Variants in RNF217 observed in about 807,000 individuals in gnomAD.
The protein encoded by RNF217 is ring finger protein 217, also known as E3 ubiquitin-protein ligase RNF217.
A neutral mutation model predicts 57.8 loss-of-function variants in RNF217; 31 were observed. The ratio of observed to expected loss-of-function variants is 0.54; its 90% CI spans 0.40 to 0.72. The LOEUF (loss-of-function observed/expected upper bound fraction) is 0.72, where lower values mean the gene tolerates loss of function less well. RNF217 is among the 30% of genes least tolerant of loss of function. The probability of loss-of-function intolerance (pLI) is 0.00; values close to 1 mark genes in which losing one functional copy is unlikely to be tolerated. For synonymous variants in RNF217, 313 were observed against 294.0 expected, an observed-to-expected ratio of 1.06 and a Z score of -0.66; for missense variants, 696 against 708.3, an observed-to-expected ratio of 0.98 and a Z score of 0.20.
rs1324137403 is a variant in RNF217, at chr6:125,025,543, AAAGG to A, written c.883-19648_883-19645del. The stretch of plus-strand genomic sequence containing the variant: ...GAGGGAGGGAGGAAGGGATATTTCC[AAAGG>A]AAGGAAGGAAGGAAGGAAGAAAAGA... On this transcript the variant is annotated intron_variant, in intron 1 of 5. Coordinates refer to ENST00000521654, the MANE Select transcript of RNF217 (RefSeq NM_001286398.3). Among the ~76,000 whole-genome samples the A allele has an allele frequency of 5.5e-3, 801 of 146,046 alleles. 8 individuals are homozygous for A. The highest frequency in any genetic ancestry group is 1.0e-2 in the African/African-American group (380 of 38,042).
chr6:125,043,946 T>G (rs2114527905), intron 1 of RNF217, among the ~76,000 whole-genome samples: 1 of 152,214 alleles, frequency 6.6e-6, no homozygotes, highest in East Asian at 1.9e-4. Context: ...CTCATGTCCT[T>G]TTCTGGTATT....
At chr6:125,023,567 T>C (rs1785940859) in intron 1 of RNF217, among the ~76,000 whole-genome samples, 1 of 152,188 alleles carries the variant, frequency 6.6e-6, no homozygotes, top group Non-Finnish European at 1.5e-5. Flanking sequence ...AGAATCTCAC[T>C]ATTGCATCTA....
intron 3 of RNF217, among the ~76,000 whole-genome samples, chr6:125,061,588 T>G (rs989003682): frequency 6.6e-6 from 1 of 151,858 alleles, no homozygotes; most frequent in Non-Finnish European, 1.5e-5. Context: ...ACATTTTCCC[T>G]GTTTTCTATT....
At chr6:125,044,558 C>A (rs1447709174) in intron 1 of RNF217, among the ~76,000 whole-genome samples, 1 of 152,012 alleles carries the variant, frequency 6.6e-6, no homozygotes, top group African/African-American at 2.4e-5. Flanking sequence ...GCAGTAGCAG[C>A]CAGATTTCAT....
chr6:125,009,097 C>T (rs561870163), intron 1 of RNF217: 7 of 734,642 alleles, frequency 9.5e-6, no homozygotes, highest in African/African-American at 8.8e-5. Flanking sequence ...CTTTCCTGAA[C>T]AGACGTGTTA....
chr6:125,048,190 T>A (rs1787168711), intron 2 of RNF217: 1 of 1,349,312 alleles, frequency 7.4e-7, no homozygotes, highest in Non-Finnish European at 9.9e-7. Context: ...AGCCAACCAA[T>A]CGTGAGATTC....
chr6:125,081,342 A>T (rs556507041), intron 4 of RNF217, 94 bp from the exon 5 acceptor site: 6 of 885,406 alleles, frequency 6.8e-6, no homozygotes, highest in Admixed American at 2.3e-5. Flanking sequence ...TACTTAAAAA[A>T]TAATATACAC....
At chr6:125,052,314 G>A (rs1465112681) in intron 2 of RNF217, among the ~76,000 whole-genome samples, 1,597 of 145,250 alleles carry the variant, frequency 0.011, 34 homozygotes, top group African/African-American at 0.042. Flanking sequence ...GTGTGTGTGT[G>A]TGTGTGGTTT....
At chr6:125,077,450 T>G (rs998768772) in intron 4 of RNF217, among the ~76,000 whole-genome samples, 1 of 152,178 alleles carries the variant, frequency 6.6e-6, no homozygotes, top group African/African-American at 2.4e-5. Context: ...GTGAAAATGC[T>G]TTTGTGGATT....
Position 125,066,732 on chromosome 6 carries a change from G to C in RNF217, c.1281+8626G>C, listed in dbSNP as rs576097271. ...TAATGAACATATTTTGCAGCTGTGA[G>C]AGCAGAGATTTGATCTATTTTATTG... On this transcript the variant is annotated intron_variant, in intron 3 of 5. Transcript: ENST00000521654. 3.3e-5 allele frequency among the ~76,000 whole-genome samples: 5 copies of C among 151,260 alleles called. No individual in the cohort carries two copies. The South Asian group carries it at 1.0e-3, about 32-fold the overall frequency.
At chr6:125,011,433 T>A (rs1395305125) in intron 1 of RNF217, among the ~76,000 whole-genome samples, 4 of 152,172 alleles carry the variant, frequency 2.6e-5, no homozygotes, top group Non-Finnish European at 4.4e-5. Flanking sequence ...TTGGGCCAGA[T>A]ACGTGTTCAA....
intron 4 of RNF217, among the ~76,000 whole-genome samples, 183 bp downstream of exon 4, chr6:125,077,041 A>G (rs1788404424): frequency 6.6e-6 from 1 of 152,228 alleles, no homozygotes; most frequent in South Asian, 2.1e-4. Context: ...GACACTACTT[A>G]TATGAGCAAG....
rs527900661 is a variant in RNF217, at chr6:125,090,333, G to A, written c.*7396G>A. ...GATTTTCTGTAGAAGGAACACAACA[G>A]TGATGTTAAAATGTTAACAAAGAAC... On this transcript the variant is annotated 3_prime_UTR_variant, in exon 6 of 6. Transcript: ENST00000521654. 5.9e-4 allele frequency: 90 copies of A among 152,044 alleles called. No individual in the cohort carries two copies. The highest frequency in any genetic ancestry group is 2.1e-3 in the African/African-American group (88 of 41,534). The allele number at this position is 152,044 out of a possible 1,614,324, so 9.4% of individuals were successfully genotyped here. A position where few individuals can be genotyped will look rare whatever the true frequency, so the allele number is the denominator to read the frequency against.
At chr6:125,009,235 G>C in intron 1 of RNF217, 4 of 1,609,346 alleles carry the variant, frequency 2.5e-6, no homozygotes, top group Non-Finnish European at 3.4e-6. Context: ...TGTATAATTA[G>C]TTCTCTTCTC....
chr6:125,051,495 A>C (rs1166587756), intron 2 of RNF217, among the ~76,000 whole-genome samples: 4 of 152,014 alleles, frequency 2.6e-5, no homozygotes, highest in Non-Finnish European at 4.4e-5. Context: ...TTGTAAGAGA[A>C]TCTACTGGGG....
In RNF217 at chr6:125,083,924, C is replaced by CTATAAT. The variant is rs1788691861; in HGVS notation, c.*987_*988insTATAAT. The CTATAAT allele has an allele frequency of 6.6e-6, 1 of 151,990 alleles. No homozygotes were observed. The highest frequency in any genetic ancestry group is 1.5e-5 in the Non-Finnish European group (1 of 67,976). 9.4% of individuals were successfully genotyped at this position (151,990 alleles called of 1,614,324 possible). On this transcript the variant is annotated 3_prime_UTR_variant, in exon 6 of 6. Coordinates refer to ENST00000521654, the MANE Select transcript of RNF217 (RefSeq NM_001286398.3). Reference sequence around the variant, plus strand: ...AACATGCTTCACTCTATAGATAGATCCTTCACATTGGGATTATTTAATCCC... The same window carrying CTATAAT: ...AACATGCTTCACTCTATAGATAGATCTATAATCTTCACATTGGGATTATTTAATCCC...
chr6:125,059,053 G>C (rs1317753719), intron 3 of RNF217, among the ~76,000 whole-genome samples: 3 of 152,056 alleles, frequency 2.0e-5, no homozygotes, highest in Non-Finnish European at 4.4e-5. Context: ...GGAAGTAAAA[G>C]TATATTCTAA....
intron 2 of RNF217, among the ~76,000 whole-genome samples, chr6:125,046,200 T>G (rs1787093729): frequency 1.3e-5 from 2 of 152,030 alleles, no homozygotes; most frequent in South Asian, 2.1e-4. Context: ...ATCAAGTGCT[T>G]CTAGAGCTGG....
At chr6:125,048,947 C>A (rs1448357601) in intron 2 of RNF217, among the ~76,000 whole-genome samples, 2 of 152,024 alleles carry the variant, frequency 1.3e-5, no homozygotes, top group Non-Finnish European at 2.9e-5. Context: ...GAGAGATTTA[C>A]ATTCAGACAA....
Sources: allele counts gnomAD v4.1 joint callset (sites outside exome capture counted in the v4.1 genomes callset), GRCh38; gene constraint gnomAD v4.1.1; transcripts MANE v1.5; gene names NCBI Gene and HGNC (gene_info 2026-07-23, HGNC 2026-07-21).